ARID2: variants seen among roughly 807,000 people sequenced by gnomAD.
The protein encoded by ARID2 is AT-rich interaction domain 2.
A neutral mutation model predicts 184.6 loss-of-function variants in ARID2; 32 were observed. The ratio of observed to expected loss-of-function variants is 0.17; its 90% CI spans 0.13 to 0.23. ARID2 has a LOEUF of 0.23. Among genes scored for constraint, ARID2 ranks in the 10% least tolerant of loss-of-function variants. ARID2 has a pLI of 1.00. For synonymous variants in ARID2, 836 were observed against 772.6 expected, an observed-to-expected ratio of 1.08 and a Z score of -1.36; for missense variants, 1,696 against 2,197.6, an observed-to-expected ratio of 0.77 and a Z score of 4.56.
intron 16 of ARID2, among the ~76,000 whole-genome samples, chr12:45,862,892 A>AT (rs5797953): frequency 0.48 from 71,791 of 149,956 alleles, 17,265 homozygotes; most frequent in Admixed American, 0.56. Flanking sequence ...AGAGCATGCC[A>AT]TTTTTTTTTT....
chr12:45,818,119 G>A (rs1372189716), intron 5 of ARID2, among the ~76,000 whole-genome samples: 1 of 152,106 alleles, frequency 6.6e-6, no homozygotes, highest in East Asian at 1.9e-4. Context: ...TTAAGTTGGA[G>A]TAATATATAG....
intron 11 of ARID2, chr12:45,841,273 A>G (rs1051981333): frequency 6.6e-6 from 1 of 152,210 alleles, no homozygotes; most frequent in Non-Finnish European, 1.5e-5. Flanking sequence ...AAATGAACCT[A>G]CTTCTCAATC....
intron 18 of ARID2, 69 bp from the exon 19 acceptor site, chr12:45,893,351 G>C (rs981108997): frequency 3.3e-6 from 5 of 1,520,032 alleles, no homozygotes; most frequent in East Asian, 4.9e-5. Flanking sequence ...TGGCAGGGTG[G>C]TCATAGTTGT....
chr12:45,730,438 CG>C (rs1940962811), intron 2 of ARID2, among the ~76,000 whole-genome samples: 1 of 143,500 alleles, frequency 7.0e-6, no homozygotes, highest in Admixed American at 7.0e-5. Context: ...TGCGGGCGTG[CG>C]GGGCGCCAGC....
chr12:45,884,607 G>A (rs1944157659), intron 16 of ARID2, among the ~76,000 whole-genome samples: 1 of 152,036 alleles, frequency 6.6e-6, no homozygotes, highest in South Asian at 2.1e-4. Context: ...ACAGACCGGC[G>A]GGTTAATAGC....
At chr12:45,825,347 G>A (rs901786018) in intron 6 of ARID2, among the ~76,000 whole-genome samples, 1 of 151,896 alleles carries the variant, frequency 6.6e-6, no homozygotes, top group African/African-American at 2.4e-5. Flanking sequence ...AATATCACAG[G>A]TACCCCATAA....
At chr12:45,803,437 A>T (rs1942543753) in intron 3 of ARID2, among the ~76,000 whole-genome samples, 1 of 152,170 alleles carries the variant, frequency 6.6e-6, no homozygotes, top group Admixed American at 6.5e-5. Flanking sequence ...ATGACTGGTA[A>T]ATATTTATCA....
At chr12:45,877,400 C>T (rs895942808) in intron 16 of ARID2, among the ~76,000 whole-genome samples, 1 of 151,792 alleles carries the variant, frequency 6.6e-6, no homozygotes, top group Non-Finnish European at 1.5e-5. Flanking sequence ...CTTATGAGAA[C>T]CTAATGCCTG....
At position 45,907,297 on chromosome 12, in the gene ARID2, C is replaced by T. The variant is rs921064189; in HGVS notation, c.*2219C>T. On this transcript the variant is annotated 3_prime_UTR_variant, in exon 21 of 21. Transcript: ENST00000334344. ...TTTAAAAAGTAAATTTGTGCAACAACGTTTATTTGAAAGATAATGTCTTCT... is the reference window on the plus strand; with the variant it reads ...TTTAAAAAGTAAATTTGTGCAACAATGTTTATTTGAAAGATAATGTCTTCT... 3.0e-5 allele frequency: 7 copies of T among 232,630 alleles called. No individual in the cohort carries two copies. The highest frequency in any genetic ancestry group is 8.5e-6 in the Non-Finnish European group (1 of 117,760). The allele number at this position is 232,630 out of a possible 1,614,324, so 14.4% of individuals were successfully genotyped here.
chr12:45,798,588 ACT>A lies in ARID2; in HGVS notation c.285-12827_285-12826del, dbSNP rs1209182298. Among the ~76,000 whole-genome samples the A allele has an allele frequency of 8.5e-5, 13 of 152,100 alleles. 1 individual carries two copies. ...TTTTAGGATTTATAGTTTAAGCCAG[ACT>A]CTAATGCCCATCAGTTAAGCAAGTT... On this transcript the variant is annotated intron_variant, in intron 3 of 20. Coordinates refer to ENST00000334344, the MANE Select transcript of ARID2 (RefSeq NM_152641.4).
intron 16 of ARID2, among the ~76,000 whole-genome samples, chr12:45,872,139 T>C (rs1341051611): frequency 6.6e-6 from 1 of 152,058 alleles, no homozygotes; most frequent in Non-Finnish European, 1.5e-5. Flanking sequence ...TCTGCTCTTT[T>C]ATTATTTTTT....
intron 15 of ARID2, among the ~76,000 whole-genome samples, chr12:45,858,364 A>G (rs534641760): frequency 1.1e-4 from 16 of 152,254 alleles, no homozygotes; most frequent in Middle Eastern, 3.4e-3. Context: ...CTATCTAAAA[A>G]AAAGAAAGAA....
intron 3 of ARID2, among the ~76,000 whole-genome samples, chr12:45,734,258 A>G (rs1019891104): frequency 2.6e-5 from 4 of 152,186 alleles, no homozygotes; most frequent in African/African-American, 7.2e-5. Context: ...AATCCCAGCT[A>G]CTTGGGAGGC....
At chr12:45,873,541 A>G (rs1029705997) in intron 16 of ARID2, among the ~76,000 whole-genome samples, 2 of 152,072 alleles carry the variant, frequency 1.3e-5, no homozygotes, top group African/African-American at 4.8e-5. Flanking sequence ...GTATACATTT[A>G]TAGTTAATCT....
chr12:45,800,089 G>A (rs1044579547), intron 3 of ARID2, among the ~76,000 whole-genome samples: 1 of 152,092 alleles, frequency 6.6e-6, no homozygotes, highest in Non-Finnish European at 1.5e-5. Context: ...GGATCATGCA[G>A]TTCACCCACC....
At chr12:45,782,579 C>T (rs1592073089) in intron 3 of ARID2, among the ~76,000 whole-genome samples, 1 of 152,098 alleles carries the variant, frequency 6.6e-6, no homozygotes, top group South Asian at 2.1e-4. Flanking sequence ...TTGCAGTGAG[C>T]CGAGATCGCG....
intron 11 of ARID2, among the ~76,000 whole-genome samples, chr12:45,842,657 T>C (rs1363388847): frequency 4.6e-5 from 7 of 151,440 alleles, no homozygotes; most frequent in Non-Finnish European, 8.8e-5. Context: ...CTCAGGAGGC[T>C]GAGGCAGGAG....
chr12:45,824,627 C>T (rs2138103649), intron 6 of ARID2, among the ~76,000 whole-genome samples: 1 of 151,994 alleles, frequency 6.6e-6, no homozygotes, highest in Non-Finnish European at 1.5e-5. Flanking sequence ...AGCAAAATAA[C>T]AAATGCTGGT....
intron 20 of ARID2, among the ~76,000 whole-genome samples, chr12:45,898,626 G>A (rs1296035032): frequency 6.6e-6 from 1 of 152,148 alleles, no homozygotes; most frequent in Non-Finnish European, 1.5e-5. Flanking sequence ...GTTTAAATGG[G>A]TGGATTGGGC....
Sources: gnomAD v4.1 joint callset for allele counts (sites outside exome capture counted in the v4.1 genomes callset) on GRCh38, gnomAD v4.1.1 for gene constraint, MANE v1.5 for transcripts, NCBI Gene and HGNC (gene_info 2026-07-23, HGNC 2026-07-21) for gene names.